The following POLE variants were observed in gnomAD, a reference collection of about 807,000 sequenced individuals.
The protein encoded by POLE is DNA polymerase epsilon, catalytic subunit.
A neutral mutation model predicts 279.2 loss-of-function variants in POLE; 188 were observed. The ratio of observed to expected loss-of-function variants is 0.67; its 90% CI spans 0.60 to 0.76. POLE has a LOEUF of 0.76. Ranked by LOEUF, POLE falls within the 30% of genes least tolerant of loss-of-function variation. The probability of loss-of-function intolerance (pLI) is 0.00; values close to 1 mark genes in which losing one functional copy is unlikely to be tolerated. For synonymous variants in POLE, 1,214 were observed against 1,172.5 expected (o/e 1.04, Z -0.72); for missense variants, 2,703 against 3,016.7 (o/e 0.90, Z 2.44).
At position 132,649,476 on chromosome 12, in the gene POLE, A is replaced by T. The variant is rs2138609531; in HGVS notation, c.3835T>A (p.Trp1279Arg). The T allele has an allele frequency of 3.1e-6, 5 of 1,612,310 alleles. No homozygotes were observed. Among genetic ancestry groups the T allele is most frequent in the Non-Finnish European group, 4.2e-6 (5 of 1,180,000 alleles). ...LVWLRFHKKK[W>R]QLQARQRLAR... ...AGGCGCTGCCGGGCCTGCAGCTGCC[A>T]CTTCTTCTTGTGGAACCGGAGCCAG... Residue 1279 changes from tryptophan (W) to arginine (R), a missense_variant, in exon 31 of 49, where the codon TGG (tryptophan) becomes AGG (arginine). Trp to Arg is a moderately radical substitution (Grantham distance 101). This residue lies in a region of POLE where 1,551 missense variants were observed against 1,686.1 expected (regional missense o/e 0.92). Transcript: ENST00000320574.
In POLE at chr12:132,664,350, G is replaced by A. The variant is rs778807482; in HGVS notation, c.2561+20C>T. On this transcript the variant is annotated intron_variant, in intron 22 of 48. Transcript: ENST00000320574. This position sits in a 1 kb window ranked among gnomAD's most constrained non-coding sequence, Gnocchi z 5.3. ...CCCCAGGACCTGCTCCCAGCCCCAC[G>A]GCTCCCCTTCTGCACTCACCCAATC... is the stretch of plus-strand genomic sequence containing the variant. 2.2e-5 allele frequency: 36 copies of A among 1,607,352 alleles called. No individual in the cohort carries two copies. The highest frequency in any genetic ancestry group is 6.7e-5 in the African/African-American group (5 of 74,566).
chr12:132,677,942 C>T (rs559701952), intron 6 of POLE, among the ~76,000 whole-genome samples: 1 of 152,256 alleles, frequency 6.6e-6, no homozygotes, highest in Admixed American at 6.5e-5. Context: ...CTTTGGGAGG[C>T]CAAGGAAGGC....
intron 3 of POLE, 100 bp downstream of exon 3, chr12:132,680,507 C>T: frequency 2.2e-6 from 2 of 914,430 alleles, no homozygotes; most frequent in Non-Finnish European, 3.6e-6. Context: ...GGGCTATGGG[C>T]TGCTGTGCAC....
At chr12:132,628,627 A>G (rs2041880313) in intron 45 of POLE, among the ~76,000 whole-genome samples, 2 of 150,388 alleles carry the variant, frequency 1.3e-5, no homozygotes, top group South Asian at 4.2e-4. Context: ...TGGGCGACAG[A>G]GCAAGGAGGC....
Position 132,649,610 on chromosome 12 carries a change from G to A in POLE, c.3795+67C>T, listed in dbSNP as rs4883537. On this transcript the variant is annotated intron_variant, in intron 30 of 48. Coordinates refer to ENST00000320574, the MANE Select transcript of POLE (RefSeq NM_006231.4). ...AAGCAGCCTCCCTAGGGGTCAGGACGCATCTCGGGCTCCCTGGGCTGTGCA... is the reference window on the plus strand; with the variant it reads ...AAGCAGCCTCCCTAGGGGTCAGGACACATCTCGGGCTCCCTGGGCTGTGCA... The A allele has an allele frequency of 0.46, 736,861 of 1,597,314 alleles. 174,191 individuals carry two copies. The highest frequency in any genetic ancestry group is 0.7 in the East Asian group (31,195 of 44,722).
Position 132,665,404 on chromosome 12 carries a change from G to T in POLE, c.2366C>A (p.Ala789Asp). The change falls in exon 21 of 49, where the codon GCT (alanine) becomes GAT (aspartate). Residue 789 changes from alanine (A) to aspartate (D), a missense_variant. Ala to Asp is a moderately radical substitution (Grantham distance 126, BLOSUM62 -2). Coordinates refer to ENST00000320574, the MANE Select transcript of POLE (RefSeq NM_006231.4). Reference sequence around the variant, plus strand: ...CATGTTCTTGCAGCGCTTCACCTCAGCCGCGTCGCCCACCTCCACGGCCGC... The same window carrying T: ...CATGTTCTTGCAGCGCTTCACCTCATCCGCGTCGCCCACCTCCACGGCCGC... ...LSAAVEVGDA[A>D]EVKRCKNMEV... 1 of 1,613,354 alleles carries T rather than the reference G, an allele frequency of 6.2e-7. No homozygotes were observed.
intron 1 of POLE, 36 bp downstream of exon 1, chr12:132,687,218 G>A (rs1046184031): frequency 2.5e-5 from 35 of 1,408,850 alleles, no homozygotes; most frequent in Non-Finnish European, 3.0e-5. Flanking sequence ...ACCCTCCGGA[G>A]GGCCGGCCCG....
At chr12:132,677,024 C>T (rs1397186198) in intron 8 of POLE, among the ~76,000 whole-genome samples, 1 of 152,186 alleles carries the variant, frequency 6.6e-6, no homozygotes, top group Non-Finnish European at 1.5e-5. Context: ...ACTTTCCCAA[C>T]ACCACAAAGT....
At position 132,659,325 on chromosome 12, in the gene POLE, C is replaced by T. The variant is rs201744227; in HGVS notation, c.3245G>A (p.Arg1082His). Residue 1082 changes from arginine (R) to histidine (H), a missense_variant, in exon 26 of 49, where the codon CGC (arginine) becomes CAC (histidine). Coordinates refer to ENST00000320574, the MANE Select transcript of POLE (RefSeq NM_006231.4). ...AGLSCRYIISRKPEGSPVTER... is the reference protein window; with the variant it reads ...AGLSCRYIISHKPEGSPVTER... The stretch of plus-strand genomic sequence containing the variant: ...CGTGACAGGGGAGCCCTCGGGCTTG[C>T]GGGAGATGATGTAGCGGCAACTCAG... The T allele has an allele frequency of 1.3e-4, 208 of 1,614,102 alleles. No homozygotes were observed. The highest frequency in any genetic ancestry group is 1.6e-4 in the African/African-American group (12 of 75,052).
At chr12:132,657,460 A>C in intron 27 of POLE, 31 bp from the exon 28 acceptor site, 1 of 1,587,870 alleles carries the variant, frequency 6.3e-7, no homozygotes, top group African/African-American at 1.3e-5. Context: ...CACAGAGAAC[A>C]GCAGGTGGCA....
At chr12:132,680,090 A>T (rs1319817060) in intron 4 of POLE, 44 bp from the exon 5 acceptor site, 1 of 1,595,560 alleles carries the variant, frequency 6.3e-7, no homozygotes, top group Admixed American at 1.7e-5. Flanking sequence ...GGTAAAATAC[A>T]TTTCCTTCCT....
chr12:132,659,676 C>T (rs566638348), intron 25 of POLE, 167 bp from the exon 26 acceptor site: 7 of 604,990 alleles, frequency 1.2e-5, no homozygotes, highest in Admixed American at 3.0e-5. Context: ...AAAACATACA[C>T]ACACACACAA....
chr12:132,670,231 C>G (rs1208848504), intron 16 of POLE, among the ~76,000 whole-genome samples: 1 of 151,258 alleles, frequency 6.6e-6, no homozygotes, highest in Admixed American at 6.6e-5. Flanking sequence ...AAAAAATTAC[C>G]CAGGCGTGGT....
intron 6 of POLE, among the ~76,000 whole-genome samples, chr12:132,678,265 C>T (rs1195450736): frequency 2.6e-5 from 4 of 151,270 alleles, no homozygotes; most frequent in African/African-American, 9.7e-5. Flanking sequence ...ATGTGAGTTA[C>T]ACCCCAACTA....
intron 32 of POLE, among the ~76,000 whole-genome samples, chr12:132,648,329 A>T (rs1371216048): frequency 1.3e-5 from 2 of 149,374 alleles, no homozygotes; most frequent in Non-Finnish European, 3.0e-5. Flanking sequence ...TGATGAAAAT[A>T]TCCGAATGGG....
Position 132,639,413 on chromosome 12 carries a change from G to A in POLE, c.5379-115C>T, listed in dbSNP as rs761261359. On this transcript the variant is annotated intron_variant, in intron 39 of 48. Transcript: ENST00000320574. The surrounding 1 kb of genome is among the most constrained non-coding windows in gnomAD (Gnocchi z 4.7). ...TCCCTACACGGCTGGGTCCAAATCCGTCACTGTCGCCTCCCCTTCTCACTG... is the reference window on the plus strand; with the variant it reads ...TCCCTACACGGCTGGGTCCAAATCCATCACTGTCGCCTCCCCTTCTCACTG... 400 of 921,580 alleles carry A rather than the reference G, an allele frequency of 4.3e-4. No individual in the cohort carries two copies. The highest frequency in any genetic ancestry group is 5.4e-4 in the Non-Finnish European group (329 of 607,678). 57.1% of individuals were successfully genotyped at this position (921,580 alleles called of 1,614,324 possible).
intron 45 of POLE, 133 bp from the exon 46 acceptor site, chr12:132,626,450 G>T (rs182773368): frequency 1.3e-6 from 1 of 766,070 alleles, no homozygotes; most frequent in Non-Finnish European, 2.1e-6. Context: ...CCCTTTAGAC[G>T]CCTCAGCTGA....
chr12:132,666,932 C>T (rs1490020657), intron 20 of POLE, among the ~76,000 whole-genome samples: 21 of 152,058 alleles, frequency 1.4e-4, no homozygotes, highest in Admixed American at 1.4e-3. Flanking sequence ...TGCAGGATGC[C>T]AGGGGGCCGC....
At position 132,664,048 on chromosome 12, in the gene POLE, C is replaced by T. The variant is rs1314058108; in HGVS notation, c.2662G>A (p.Val888Met). The change falls in exon 23 of 49, where the codon GTG (valine) becomes ATG (methionine). Residue 888 changes from valine to methionine, a missense_variant. By Grantham distance (21) the Val-to-Met change is conservative (BLOSUM62 1). Coordinates refer to ENST00000320574, the MANE Select transcript of POLE (RefSeq NM_006231.4). This position sits in a 1 kb window ranked among gnomAD's most constrained non-coding sequence, Gnocchi z 5.3. ...ATGGCGCCTGGGTAGGAGATGGTCA[C>T]TTTGGGCTTCTTCACATTGGTCGTC... ...FKTTNVKKPK[V>M]TISYPGAMLN... 7 of 1,614,092 alleles carry T rather than the reference C, an allele frequency of 4.3e-6. No individual in the cohort carries two copies. Among genetic ancestry groups the T allele is most frequent in the Non-Finnish European group, 5.1e-6 (6 of 1,180,040 alleles).
Sources: allele counts gnomAD v4.1 joint callset (sites outside exome capture counted in the v4.1 genomes callset), GRCh38; gene constraint gnomAD v4.1.1; regional missense constraint gnomAD v4.1.1; non-coding constraint Gnocchi (gnomAD v3.1); transcripts MANE v1.5; gene names NCBI Gene and HGNC (gene_info 2026-07-23, HGNC 2026-07-21).